ENOX1: variants seen among roughly 807,000 people sequenced by gnomAD.
ENOX1 encodes candidate growth-related and time keeping constitutive hydroquinone (NADH) oxidase.
In ENOX1, 42 loss-of-function variants were observed where a neutral mutation model predicts 82.5. That is an observed-to-expected ratio of 0.51 (90% CI 0.40 to 0.66). The LOEUF (loss-of-function observed/expected upper bound fraction) is 0.66, where lower values mean the gene tolerates loss of function less well. Among genes scored for constraint, ENOX1 ranks in the 30% least tolerant of loss-of-function variants. The pLI is 0.00. For synonymous variants in ENOX1, 271 were observed against 282.2 expected (o/e 0.96, Z 0.40); for missense variants, 608 against 811.6 (o/e 0.75, Z 3.05).
At chr13:43,437,983 C>T (rs1364871735) in intron 3 of ENOX1, among the ~76,000 whole-genome samples, 1 of 152,094 alleles carries the variant, frequency 6.6e-6, no homozygotes, top group Non-Finnish European at 1.5e-5. Flanking sequence ...AATAAAACAC[C>T]TTAAAATGTG....
chr13:43,634,919 T>C (rs2083356529), intron 2 of ENOX1, among the ~76,000 whole-genome samples: 1 of 152,220 alleles, frequency 6.6e-6, no homozygotes, highest in African/African-American at 2.4e-5. Flanking sequence ...TTCTACATCA[T>C]GGTGGCTGTA....
At chr13:43,402,489 A>C (rs1362983739) in intron 5 of ENOX1, among the ~76,000 whole-genome samples, 1 of 152,228 alleles carries the variant, frequency 6.6e-6, no homozygotes, top group Admixed American at 6.5e-5. Flanking sequence ...TACAAAGATG[A>C]TTAGCTACAG....
chr13:43,466,228 G>A (rs9533502), intron 3 of ENOX1, among the ~76,000 whole-genome samples: 65,593 of 151,712 alleles, frequency 0.43, 14,699 homozygotes, highest in Non-Finnish European at 0.5. Context: ...ACTATATGAC[G>A]ATTCAATGGA....
chr13:43,670,444 A>C (rs940185011), intron 1 of ENOX1, among the ~76,000 whole-genome samples: 1 of 152,216 alleles, frequency 6.6e-6, no homozygotes, highest in Non-Finnish European at 1.5e-5. Context: ...GATACCATAT[A>C]TGCCCCTGAA....
At chr13:43,245,372 C>A (rs1467784558) in intron 14 of ENOX1, among the ~76,000 whole-genome samples, 1 of 152,168 alleles carries the variant, frequency 6.6e-6, no homozygotes, top group Non-Finnish European at 1.5e-5. Context: ...AGGTAGCCAG[C>A]TTGGTACAGA....
intron 12 of ENOX1, among the ~76,000 whole-genome samples, chr13:43,272,164 T>G (rs1167425572): frequency 1.3e-5 from 2 of 152,162 alleles, no homozygotes; most frequent in Non-Finnish European, 2.9e-5. Context: ...GTTACATAGG[T>G]ATACACGTTA....
At chr13:43,570,522 G>A (rs2080130305) in intron 2 of ENOX1, among the ~76,000 whole-genome samples, 1 of 152,154 alleles carries the variant, frequency 6.6e-6, no homozygotes, top group South Asian at 2.1e-4. Flanking sequence ...AATAAGAAGG[G>A]GTATCGATCA....
intron 2 of ENOX1, among the ~76,000 whole-genome samples, chr13:43,599,830 T>G (rs2081625800): frequency 6.6e-6 from 1 of 151,318 alleles, no homozygotes; most frequent in Non-Finnish European, 1.5e-5. Flanking sequence ...GTTCAGGACT[T>G]GCAACTTGGA....
intron 11 of ENOX1, among the ~76,000 whole-genome samples, chr13:43,304,802 G>C (rs1047585188): frequency 6.6e-6 from 1 of 152,208 alleles, no homozygotes; most frequent in Non-Finnish European, 1.5e-5. Context: ...AAGAGCCTGA[G>C]TTGCTAATAA....
chr13:43,685,703 G>T (rs1365326315), intron 1 of ENOX1, among the ~76,000 whole-genome samples: 2 of 151,946 alleles, frequency 1.3e-5, no homozygotes, highest in African/African-American at 4.8e-5. Context: ...CCTCCTTCTG[G>T]ACTTTTAGAT....
intron 5 of ENOX1, among the ~76,000 whole-genome samples, chr13:43,410,400 C>A (rs1181149564): frequency 1.3e-5 from 2 of 152,074 alleles, no homozygotes; most frequent in East Asian, 3.8e-4. Context: ...TTTATGTACA[C>A]CTACCTCCCT....
chr13:43,520,116 A>G (rs1344807324), intron 2 of ENOX1, among the ~76,000 whole-genome samples: 1 of 152,186 alleles, frequency 6.6e-6, no homozygotes, highest in Non-Finnish European at 1.5e-5. Flanking sequence ...AAAAATGTTC[A>G]TCAAATAAGT....
At chr13:43,682,687 G>A (rs1448246849) in intron 1 of ENOX1, among the ~76,000 whole-genome samples, 2 of 152,042 alleles carry the variant, frequency 1.3e-5, no homozygotes, top group African/African-American at 4.8e-5. Flanking sequence ...TTCTAAGGAA[G>A]GGGAAAAAAA....
At chr13:43,782,584 G>T (rs1952339830) in intron 1 of ENOX1, among the ~76,000 whole-genome samples, 1 of 152,040 alleles carries the variant, frequency 6.6e-6, no homozygotes, top group Non-Finnish European at 1.5e-5. Context: ...CTCTTTAATG[G>T]TACTTAATAC....
chr13:43,272,014 T>C (rs2044714203), intron 12 of ENOX1, among the ~76,000 whole-genome samples: 1 of 152,238 alleles, frequency 6.6e-6, no homozygotes, highest in East Asian at 1.9e-4. Context: ...AAAAATCTAA[T>C]AGATTTTCCC....
intron 3 of ENOX1, among the ~76,000 whole-genome samples, chr13:43,470,202 A>G (rs554320345): frequency 0.2 from 15,227 of 75,688 alleles, 2,549 homozygotes; most frequent in Non-Finnish European, 0.26. Flanking sequence ...GTATATATAT[A>G]TGTGTATATA....
At chr13:43,715,621 G>A (rs2088065056) in intron 1 of ENOX1, among the ~76,000 whole-genome samples, 1 of 151,966 alleles carries the variant, frequency 6.6e-6, no homozygotes, top group African/African-American at 2.4e-5. Context: ...ACGTAGATTT[G>A]GTCTTTTCAC....
chr13:43,223,885 A>T (rs1428320214), intron 16 of ENOX1, among the ~76,000 whole-genome samples, 168 bp downstream of exon 16: 2 of 152,220 alleles, frequency 1.3e-5, no homozygotes, highest in Non-Finnish European at 2.9e-5. Context: ...AAGCAAGCAA[A>T]AAGAGGAGAA....
chr13:43,684,095 C>CAAAAAAAAAAAAAAAAA (rs55919280), intron 1 of ENOX1, among the ~76,000 whole-genome samples: 1 of 106,472 alleles, frequency 9.4e-6, no homozygotes, highest in African/African-American at 3.9e-5. Context: ...GACTCTGTCT[C>CAAAAAAAAAAAAAAAAA]AAAAAAAAAA....
Sources: allele counts gnomAD v4.1 joint callset (sites outside exome capture counted in the v4.1 genomes callset), GRCh38; gene constraint gnomAD v4.1.1; transcripts MANE v1.5; gene names NCBI Gene and HGNC (gene_info 2026-07-23, HGNC 2026-07-21).